The following SPEN variants were observed in gnomAD, a reference collection of about 807,000 sequenced individuals.
SPEN encodes the protein spen family transcriptional repressor.
SPEN carries 18 observed loss-of-function variants against 269.9 expected under a neutral mutation model. That is an observed-to-expected ratio of 0.07 (90% CI 0.05 to 0.10). The LOEUF (loss-of-function observed/expected upper bound fraction) is 0.10, where lower values mean the gene tolerates loss of function less well. Among genes scored for constraint, SPEN ranks in the 10% least tolerant of loss-of-function variants. The probability of loss-of-function intolerance (pLI) is 1.00; values close to 1 mark genes in which losing one functional copy is unlikely to be tolerated. For synonymous variants in SPEN, 1,726 were observed against 1,765.7 expected (o/e 0.98, Z 0.56); for missense variants, 3,822 against 4,631.2 (o/e 0.83, Z 5.07).
At chr1:15,858,065 T>C (rs1196481065) in intron 1 of SPEN, among the ~76,000 whole-genome samples, 2 of 151,946 alleles carry the variant, frequency 1.3e-5, no homozygotes, top group Non-Finnish European at 1.5e-5. Flanking sequence ...TAGTTGGAGG[T>C]TGCAGTGAGC....
At chr1:15,904,468 AAAAAAAAAAGT>A (rs1412554517) in intron 3 of SPEN, among the ~76,000 whole-genome samples, 1 of 149,782 alleles carries the variant, frequency 6.7e-6, no homozygotes, top group Non-Finnish European at 1.5e-5. Context: ...AAAAAAAAAA[AAAAAAAAAAGT>A]GAACTAAAAA....
intron 3 of SPEN, among the ~76,000 whole-genome samples, chr1:15,897,337 C>T (rs536044546): frequency 4.0e-5 from 6 of 151,524 alleles, no homozygotes; most frequent in Admixed American, 6.6e-5. Flanking sequence ...TACAGGCGTA[C>T]GCCATCATGC....
At chr1:15,902,523 G>C (rs2070912288) in intron 3 of SPEN, among the ~76,000 whole-genome samples, 1 of 152,114 alleles carries the variant, frequency 6.6e-6, no homozygotes, top group Non-Finnish European at 1.5e-5. Flanking sequence ...CTGTTTAAGA[G>C]ATTATGGGCC....
At chr1:15,869,909 C>T (rs941782526) in intron 1 of SPEN, among the ~76,000 whole-genome samples, 1 of 151,906 alleles carries the variant, frequency 6.6e-6, no homozygotes, top group Non-Finnish European at 1.5e-5. Context: ...CTCTGTTGCC[C>T]AGGCTGGAGT....
chr1:15,927,151 G>A lies in SPEN; in HGVS notation c.1851-940G>A, dbSNP rs185690918. Among the ~76,000 whole-genome samples the A allele has an allele frequency of 2.2e-3, 341 of 152,284 alleles. 3 individuals carry two copies. Among genetic ancestry groups the A allele is most frequent in the Non-Finnish European group, 3.8e-3 (261 of 68,030 alleles). On this transcript the variant is annotated intron_variant, in intron 10 of 14. Coordinates refer to ENST00000375759, the MANE Select transcript of SPEN (RefSeq NM_015001.3). ...TTAATTTCATATAATATATGTTCTT[G>A]TGTGTAAATTTAATCCTATTTTGAA...
At chr1:15,888,966 A>G (rs529500017) in intron 3 of SPEN, among the ~76,000 whole-genome samples, 1 of 151,884 alleles carries the variant, frequency 6.6e-6, no homozygotes, top group African/African-American at 2.4e-5. Flanking sequence ...TACTCATTGC[A>G]GTTTAGGTGA....
At chr1:15,899,650 G>A (rs1167497705) in intron 3 of SPEN, among the ~76,000 whole-genome samples, 3 of 145,598 alleles carry the variant, frequency 2.1e-5, no homozygotes, top group Admixed American at 7.2e-5. Flanking sequence ...TCAACTACAA[G>A]TATGAGCCCA....
Position 15,939,677 on chromosome 1 carries a change from G to C in SPEN, c.*250G>C, listed in dbSNP as rs537549418. 20 of 364,412 alleles carry C rather than the reference G, an allele frequency of 5.5e-5. No individual in the cohort carries two copies. Among genetic ancestry groups the C allele is most frequent in the Non-Finnish European group, 6.8e-5 (14 of 204,942 alleles). 22.6% of individuals were successfully genotyped at this position (364,412 alleles called of 1,614,324 possible). ...CCAACCCATGGACTCGCAGACACCG[G>C]GGCTGGGTTTCTCTTTCCTCTTTTT... On this transcript the variant is annotated 3_prime_UTR_variant, in exon 15 of 15. Transcript: ENST00000375759. The surrounding 1 kb of genome is among the most constrained non-coding windows in gnomAD (Gnocchi z 4.1).
chr1:15,935,391 TCCA>T lies in SPEN; in HGVS notation c.9155_9157del (p.Thr3052del), dbSNP rs769341400. ...CAGCAGTACTGCATCTACGGCGCTC[TCCA>T]CCAACGCCACAGTCATGCTGGCTGC... is the stretch of plus-strand genomic sequence containing the variant. On this transcript the variant is annotated inframe_deletion, in exon 11 of 15. Transcript: ENST00000375759. This position sits in a 1 kb window ranked among gnomAD's most constrained non-coding sequence, Gnocchi z 7.7. The T allele has an allele frequency of 8.7e-6, 14 of 1,614,010 alleles. No individual in the cohort carries two copies. The highest frequency in any genetic ancestry group is 1.2e-5 in the Non-Finnish European group (14 of 1,180,004).
chr1:15,926,764 C>T (rs1218575026), intron 10 of SPEN, among the ~76,000 whole-genome samples: 1 of 150,838 alleles, frequency 6.6e-6, no homozygotes, highest in Non-Finnish European at 1.5e-5. Flanking sequence ...ACAATCTTGA[C>T]TCACTGCAAG....
In SPEN at chr1:15,929,148, G is replaced by T; in HGVS notation, c.2908G>T (p.Ala970Ser). Residue 970 changes from alanine (A) to serine (S), a missense_variant, in exon 11 of 15, where the codon GCA (alanine) becomes TCA (serine). Coordinates refer to ENST00000375759, the MANE Select transcript of SPEN (RefSeq NM_015001.3). The surrounding 1 kb of genome is among the most constrained non-coding windows in gnomAD (Gnocchi z 5.8). ...GAAGCACCTCAAGCCTGAGCAGCCT[G>T]CAGATGGGGTAAGTGCTGTGGATCT... ...ARKHLKPEQP[A>S]DGVSAVDLEK... is the part of the protein sequence containing the mutation. 6.2e-7 allele frequency: 1 copy of T among 1,614,228 alleles called. No individual in the cohort carries two copies. Among genetic ancestry groups the T allele is most frequent in the Non-Finnish European group, 8.5e-7 (1 of 1,180,040 alleles).
intron 1 of SPEN, among the ~76,000 whole-genome samples, chr1:15,868,623 A>G (rs147289196): frequency 0.035 from 5,291 of 151,782 alleles, 299 homozygotes; most frequent in African/African-American, 0.12. Context: ...TTTAGTAGAG[A>G]TGGGGTTTCA....
chr1:15,923,787 A>G (rs2148735491), intron 10 of SPEN, among the ~76,000 whole-genome samples: 1 of 151,472 alleles, frequency 6.6e-6, no homozygotes, highest in South Asian at 2.1e-4. Context: ...CTCCTGCCTC[A>G]GCCTCCCGAG....
rs1447977786 is a variant in SPEN at position 15,931,978 on chromosome 1, A to T, written c.5738A>T (p.Asp1913Val). 1.9e-6 allele frequency: 3 copies of T among 1,614,120 alleles called. No individual in the cohort carries two copies. The African/African-American group carries it at 4.0e-5, about 22-fold the overall frequency. The change falls in exon 11 of 15, where the codon GAC becomes GTC. Residue 1913 changes from aspartate to valine, a missense_variant. Physicochemically the swap from Asp to Val is radical, Grantham distance 152. Around this residue, in one of 16 missense-constraint regions of SPEN, gnomAD observed 533 missense variants for 618.8 expected, o/e 0.86. Coordinates refer to ENST00000375759, the MANE Select transcript of SPEN (RefSeq NM_015001.3). The surrounding 1 kb of genome is among the most constrained non-coding windows in gnomAD (Gnocchi z 4.8). ...AGGAGCGTCTATGCAACCATGGGTG[A>T]CCATGAAAACCGCTCTCCTGTCAAA... ...NVRSVYATMG[D>V]HENRSPVKEP...
chr1:15,849,005 C>G (rs1243367868), intron 1 of SPEN, among the ~76,000 whole-genome samples: 4 of 152,146 alleles, frequency 2.6e-5, no homozygotes, highest in African/African-American at 7.2e-5. Flanking sequence ...AAAACCTCCC[C>G]TGAATATTTT....
chr1:15,888,220 T>C (rs2070754685), intron 3 of SPEN, among the ~76,000 whole-genome samples: 1 of 151,436 alleles, frequency 6.6e-6, no homozygotes, highest in Admixed American at 6.6e-5. Flanking sequence ...GCGATTCTCT[T>C]GTCTCAGCCT....
chr1:15,938,056 G>A, intron 13 of SPEN, 50 bp downstream of exon 13: 1 of 1,490,976 alleles, frequency 6.7e-7, no homozygotes, highest in Non-Finnish European at 9.1e-7. Flanking sequence ...CAGGGAGGAA[G>A]ACGTAGGTAG....
chr1:15,907,235 A>T (rs1278592823), intron 3 of SPEN, among the ~76,000 whole-genome samples: 4 of 152,192 alleles, frequency 2.6e-5, no homozygotes, highest in Non-Finnish European at 4.4e-5. Flanking sequence ...TATTCCCAGC[A>T]CATTGGGAGG....
chr1:15,875,395 T>G (rs1569991695), intron 2 of SPEN, among the ~76,000 whole-genome samples: 1 of 152,176 alleles, frequency 6.6e-6, no homozygotes, highest in South Asian at 2.1e-4. Flanking sequence ...ACATATTTCC[T>G]ACAACCATTG....
Sources: gnomAD v4.1 joint callset for allele counts (sites outside exome capture counted in the v4.1 genomes callset) on GRCh38, gnomAD v4.1.1 for gene constraint, gnomAD v4.1.1 regional missense constraint, Gnocchi (gnomAD v3.1) non-coding constraint, MANE v1.5 for transcripts, NCBI Gene and HGNC (gene_info 2026-07-23, HGNC 2026-07-21) for gene names.